NDUFS3: variants seen among roughly 807,000 people sequenced by gnomAD.
NDUFS3 encodes the protein NADH:ubiquinone oxidoreductase core subunit S3.
In NDUFS3, 19 loss-of-function variants were observed where a neutral mutation model predicts 30.8. That is an observed-to-expected ratio of 0.62 (90% CI 0.43 to 0.91). The LOEUF is 0.91. Among genes scored for constraint, NDUFS3 ranks in the 40% least tolerant of loss-of-function variants. NDUFS3 has a pLI of 0.00. For synonymous variants in NDUFS3, 153 were observed against 135.8 expected, an observed-to-expected ratio of 1.13 and a Z score of -0.88; for missense variants, 331 against 342.0, an observed-to-expected ratio of 0.97 and a Z score of 0.25.
At chr11:47,581,166 T>C in intron 4 of NDUFS3, 182 bp downstream of exon 4, 1 of 732,442 alleles carries the variant, frequency 1.4e-6, no homozygotes, top group South Asian at 1.8e-5. Context: ...TTAATTTTTT[T>C]TTTTTTTAGA....
At chr11:47,581,549 T>C (rs1251766182) in intron 4 of NDUFS3, 3 of 226,940 alleles carry the variant, frequency 1.3e-5, no homozygotes, top group East Asian at 2.2e-4. Context: ...TCCAATGAGA[T>C]AGTTCAAGTA....
chr11:47,579,825 G>A, intron 2 of NDUFS3: 1 of 230,152 alleles, frequency 4.3e-6, no homozygotes, highest in Non-Finnish European at 8.7e-6. Flanking sequence ...CCTGCTGCCA[G>A]AGGCAGAAAC....
intron 4 of NDUFS3, chr11:47,581,769 G>T (rs951309868): frequency 5.1e-6 from 2 of 394,352 alleles, no homozygotes; most frequent in African/African-American, 4.1e-5. Flanking sequence ...CTTTAAGAAA[G>T]CAGGAGGGGC....
At chr11:47,580,087 A>T (rs949151155) in intron 2 of NDUFS3, among the ~76,000 whole-genome samples, 52 of 152,072 alleles carry the variant, frequency 3.4e-4, no homozygotes, top group Non-Finnish European at 6.2e-4. Flanking sequence ...AAGGAGAGAG[A>T]GAGTCTGTGA....
At chr11:47,581,939 A>C in intron 4 of NDUFS3, 149 bp from the exon 5 acceptor site, 36 of 989,204 alleles carry the variant, frequency 3.6e-5, no homozygotes, top group Non-Finnish European at 5.3e-5. Flanking sequence ...ATGCTAAGCT[A>C]CAGCTGTGGC....
At chr11:47,579,181 G>T (rs1299602810) in intron 1 of NDUFS3, 23 bp downstream of exon 1, 2 of 1,613,136 alleles carry the variant, frequency 1.2e-6, no homozygotes, top group Non-Finnish European at 1.7e-6. Context: ...AGCCAGCTGA[G>T]ACCGGGGTCA....
rs2097270183 is a variant in NDUFS3, at chr11:47,584,426, A to C, written c.740A>C (p.Gln247Pro). The change falls in exon 7 of 7, where the codon CAA (glutamine) becomes CCA (proline). Residue 247 changes from glutamine (Q) to proline (P), a missense_variant. By Grantham distance (76) the Gln-to-Pro change is moderately conservative. Coordinates refer to ENST00000263774, the MANE Select transcript of NDUFS3 (RefSeq NM_004551.3). ...SPWEAFPVYR[Q>P]PPESLKLEAG... ...TGGGAGGCTTTCCCAGTCTATCGCC[A>C]ACCCCCGGAGAGTCTCAAGCTTGAA... 1 of 1,614,132 alleles carries C rather than the reference A, an allele frequency of 6.2e-7. No individual in the cohort carries two copies. The highest frequency in any genetic ancestry group is 1.3e-5 in the African/African-American group (1 of 75,040).
At position 47,580,986 on chromosome 11, in the gene NDUFS3, T is replaced by C. The variant is rs2153795340; in HGVS notation, c.381+2T>C. 5.6e-6 allele frequency: 9 copies of C among 1,614,106 alleles called. No individual in the cohort carries two copies. The highest frequency in any genetic ancestry group is 7.6e-6 in the Non-Finnish European group (9 of 1,180,042). On this transcript the variant is annotated splice_donor_variant, in intron 4 of 6. Transcript: ENST00000263774. LOFTEE classifies it high-confidence loss of function. ...CCAACTCGGCAAAACCGTTTTGAGGTCAGTTGGGAGATCTGAGAAGGTTTT... is the reference window on the plus strand; with the variant it reads ...CCAACTCGGCAAAACCGTTTTGAGGCCAGTTGGGAGATCTGAGAAGGTTTT...
At chr11:47,579,791 C>T in intron 2 of NDUFS3, 1 of 243,858 alleles carries the variant, frequency 4.1e-6, no homozygotes, top group Non-Finnish European at 8.1e-6. Flanking sequence ...GGTCAAAGAC[C>T]TAGTGAATGA....
In NDUFS3 at chr11:47,580,525, C is replaced by CCA. The variant is rs1289407835; in HGVS notation, c.136_137dup (p.Val47LeufsTer39). The CCA allele has an allele frequency of 6.2e-7, 1 of 1,614,124 alleles. No individual in the cohort carries two copies. Among genetic ancestry groups the CCA allele is most frequent in the South Asian group, 1.1e-5 (1 of 91,084 alleles). On this transcript the variant is annotated frameshift_variant and splice_region_variant, in exon 3 of 7. Coordinates refer to ENST00000263774, the MANE Select transcript of NDUFS3 (RefSeq NM_004551.3). LOFTEE classifies it high-confidence loss of function. ...TTTTAAATATGCCTTTTCCTTCCAG[C>CCA]CACTGTCAGACCACGGAATGATGTG...
At chr11:47,583,477 G>A (rs556244231) in intron 6 of NDUFS3, among the ~76,000 whole-genome samples, 9 of 152,274 alleles carry the variant, frequency 5.9e-5, no homozygotes, top group African/African-American at 2.2e-4. Context: ...AGGCAGTGAC[G>A]GGGAAGACAC....
chr11:47,581,597 T>C, intron 4 of NDUFS3: 1 of 245,640 alleles, frequency 4.1e-6, no homozygotes, highest in South Asian at 5.4e-5. Context: ...CATTTAGCTA[T>C]TAATATTTTA....
chr11:47,581,129 G>A, intron 4 of NDUFS3, 145 bp downstream of exon 4: 1 of 961,076 alleles, frequency 1.0e-6, no homozygotes, highest in Non-Finnish European at 1.6e-6. Flanking sequence ...AATGGCTGTG[G>A]GACCTCAGAT....
intron 2 of NDUFS3, 73 bp downstream of exon 2, chr11:47,579,407 A>T: frequency 1.3e-6 from 2 of 1,582,702 alleles, no homozygotes; most frequent in Non-Finnish European, 1.7e-6. Context: ...TTGCCCTAGG[A>T]TGCCCTTCCC....
intron 2 of NDUFS3, chr11:47,579,763 A>G: frequency 7.1e-6 from 2 of 281,088 alleles, no homozygotes; most frequent in South Asian, 8.6e-5. Context: ...AAACAGTCCA[A>G]AGAATTAAAC....
intron 4 of NDUFS3, chr11:47,581,599 A>G (rs1479215796): frequency 4.1e-6 from 1 of 244,970 alleles, no homozygotes; most frequent in African/African-American, 2.2e-5. Context: ...TTTAGCTATT[A>G]ATATTTTACT....
At chr11:47,581,682 C>A (rs1598805563) in intron 4 of NDUFS3, 4 of 311,126 alleles carry the variant, frequency 1.3e-5, no homozygotes, top group South Asian at 8.9e-5. Context: ...CAGGAGTCCC[C>A]TACACTCTAG....
At chr11:47,582,037 C>T (rs747528635) in intron 4 of NDUFS3, 51 bp from the exon 5 acceptor site, 3 of 1,608,766 alleles carry the variant, frequency 1.9e-6, no homozygotes, top group South Asian at 1.1e-5. Flanking sequence ...GCAGAACTCT[C>T]CCAATCAGGG....
rs1307527780 is a variant in NDUFS3 at position 47,579,140 on chromosome 11, G to A, written c.49G>A (p.Ala17Thr). 40 of 1,601,350 alleles carry A rather than the reference G, an allele frequency of 2.5e-5. No individual in the cohort carries two copies. The highest frequency in any genetic ancestry group is 3.4e-5 in the Non-Finnish European group (40 of 1,175,234). Residue 17 changes from alanine to threonine, a missense_variant, in exon 1 of 7, where the codon GCC (alanine) becomes ACC (threonine). Ala to Thr is a moderately conservative substitution (Grantham distance 58, BLOSUM62 0). Coordinates refer to ENST00000263774, the MANE Select transcript of NDUFS3 (RefSeq NM_004551.3). ...ARLWWRGILG[A>T]SALTRGTGRP... ...GCTGTGGTGGCGCGGGATCTTGGGGGCCTCGGCGCTGACCAGGGGTGAGCA... is the reference window on the plus strand; with the variant it reads ...GCTGTGGTGGCGCGGGATCTTGGGGACCTCGGCGCTGACCAGGGGTGAGCA...
Sources: allele counts gnomAD v4.1 joint callset (sites outside exome capture counted in the v4.1 genomes callset), GRCh38; gene constraint gnomAD v4.1.1; transcripts MANE v1.5; gene names NCBI Gene and HGNC (gene_info 2026-07-23, HGNC 2026-07-21).